Variants in SULF2 observed in about 807,000 individuals in gnomAD.
SULF2 encodes the protein sulfatase 2.
A neutral mutation model predicts 107.7 loss-of-function variants in SULF2; 52 were observed. The observed-to-expected ratio is 0.48, with a 90% CI of 0.39 to 0.61. SULF2 has a LOEUF of 0.61. Among genes scored for constraint, SULF2 ranks in the 20% least tolerant of loss-of-function variants. The pLI, the probability that SULF2 is intolerant of heterozygous loss-of-function variation, is 0.00. For missense variants in SULF2, 993 were observed against 1,177.3 expected, an observed-to-expected ratio of 0.84 and a Z score of 2.29; for synonymous variants, 460 against 464.3, an observed-to-expected ratio of 0.99 and a Z score of 0.12.
At chr20:47,667,832 G>A (rs1205810437) in intron 11 of SULF2, among the ~76,000 whole-genome samples, 1 of 152,222 alleles carries the variant, frequency 6.6e-6, no homozygotes, top group Non-Finnish European at 1.5e-5. Flanking sequence ...GCGGAAGGCA[G>A]TGGAAGGAGG....
intron 1 of SULF2, among the ~76,000 whole-genome samples, chr20:47,776,159 G>A (rs1055035977): frequency 1.1e-4 from 16 of 152,250 alleles, no homozygotes; most frequent in Non-Finnish European, 2.9e-5. Flanking sequence ...CACAATGTCA[G>A]GCTATAGGGG....
At chr20:47,777,259 AG>A in intron 1 of SULF2, among the ~76,000 whole-genome samples, 1 of 152,336 alleles carries the variant, frequency 6.6e-6, no homozygotes. Flanking sequence ...TTTGATTTAG[AG>A]GTGAGTGCAA....
rs1477270815 is a variant in SULF2 at position 47,755,453 on chromosome 20, G to C, written c.175+1736C>G. ...CTTAGCTGGATCATGTTGCAAAAAT[G>C]TGTTGTTCCTAAGAGTGGGTATTCA... On this transcript the variant is annotated intron_variant, in intron 2 of 20. Transcript: ENST00000688720. 2.6e-5 allele frequency among the ~76,000 whole-genome samples: 4 copies of C among 152,198 alleles called. No individual in the cohort carries two copies. The East Asian group carries it at 7.7e-4, about 29-fold the overall frequency.
chr20:47,702,760 A>G (rs2088614252), intron 3 of SULF2, 90 bp from the exon 4 acceptor site: 2 of 1,276,812 alleles, frequency 1.6e-6, no homozygotes, highest in East Asian at 2.4e-5. Context: ...GAGCATGCAC[A>G]CCTGCTCTGC....
chr20:47,773,250 AAATG>A (rs1212431159), intron 1 of SULF2, among the ~76,000 whole-genome samples: 8 of 152,228 alleles, frequency 5.3e-5, no homozygotes, highest in Admixed American at 5.2e-4. Flanking sequence ...GTGGAGGAGA[AAATG>A]AATGAATGAA....
At chr20:47,726,372 A>ATT (rs111536289) in intron 3 of SULF2, among the ~76,000 whole-genome samples, 3,696 of 146,554 alleles carry the variant, frequency 0.025, 100 homozygotes, top group African/African-American at 0.069. Context: ...TGTCCAGCTA[A>ATT]TTTTTTTTTT....
chr20:47,747,268 C>T (rs938104068), intron 2 of SULF2, among the ~76,000 whole-genome samples: 4 of 152,148 alleles, frequency 2.6e-5, no homozygotes, highest in Non-Finnish European at 5.9e-5. Flanking sequence ...AGCCAAGGCT[C>T]CAAATCGGTT....
chr20:47,674,126 C>A (rs1354729077), intron 10 of SULF2, among the ~76,000 whole-genome samples: 1 of 152,236 alleles, frequency 6.6e-6, no homozygotes, highest in African/African-American at 2.4e-5. Context: ...AAAGCAAGAA[C>A]AAAAACAAAT....
At chr20:47,712,001 C>T (rs13044660) in intron 3 of SULF2, among the ~76,000 whole-genome samples, 172 of 152,268 alleles carry the variant, frequency 1.1e-3, no homozygotes, top group Non-Finnish European at 1.9e-3. Flanking sequence ...TACATATACA[C>T]GATGCAGGAA....
intron 1 of SULF2, among the ~76,000 whole-genome samples, chr20:47,770,423 G>T (rs2090608289): frequency 6.6e-6 from 1 of 152,078 alleles, no homozygotes; most frequent in Non-Finnish European, 1.5e-5. Context: ...AGGGCATGAG[G>T]GTAGGCACAG....
intron 1 of SULF2, among the ~76,000 whole-genome samples, chr20:47,763,378 C>A (rs567184160): frequency 6.6e-6 from 1 of 152,292 alleles, no homozygotes; most frequent in African/African-American, 2.4e-5. Context: ...CAAACCACAG[C>A]GGTGAACAAA....
rs758059214 is a variant in SULF2, at chr20:47,683,008, C to T, written c.1050G>A (p.Val350=). 1 of 1,609,022 alleles carries T rather than the reference C, an allele frequency of 6.2e-7. No individual in the cohort carries two copies. Among genetic ancestry groups the T allele is most frequent in the South Asian group, 1.1e-5 (1 of 90,650 alleles). ...RVPFYVRGPN[V]EAGCLNPHIV... The stretch of plus-strand genomic sequence containing the variant: ...GACACACTTACAGACAGCCGGCTTC[C>T]ACGTTGGGGCCCCTCACGTAGAACG... The change falls in exon 7 of 21, where the codon GTG becomes GTA. Residue 350 remains valine, a synonymous_variant. Coordinates refer to ENST00000688720, the MANE Select transcript of SULF2 (RefSeq NM_001387048.1).
chr20:47,677,427 T>TGC (rs2087684555), intron 8 of SULF2, among the ~76,000 whole-genome samples: 2 of 142,156 alleles, frequency 1.4e-5, no homozygotes, highest in African/African-American at 5.4e-5. Flanking sequence ...TGTGTGTGTG[T>TGC]GTGCGCGCAC....
At chr20:47,784,824 G>T (rs2090893963) in intron 1 of SULF2, among the ~76,000 whole-genome samples, 1 of 152,236 alleles carries the variant, frequency 6.6e-6, no homozygotes, top group Admixed American at 6.5e-5. Flanking sequence ...GCCCTGGCCT[G>T]GGAGGAAGTC....
At chr20:47,770,462 C>G (rs1193117649) in intron 1 of SULF2, among the ~76,000 whole-genome samples, 1 of 152,010 alleles carries the variant, frequency 6.6e-6, no homozygotes, top group Non-Finnish European at 1.5e-5. Flanking sequence ...TAGGTGGGAG[C>G]AAAGAAGGGG....
chr20:47,714,479 TC>T (rs1322974565), intron 3 of SULF2, among the ~76,000 whole-genome samples: 2 of 152,114 alleles, frequency 1.3e-5, no homozygotes, highest in African/African-American at 4.8e-5. Context: ...CTTCCCATCA[TC>T]CGCCTGTCAC....
At position 47,692,769 on chromosome 20, in the gene SULF2, T is replaced by A. The variant is rs1602659704; in HGVS notation, c.568-2474A>T. Among the ~76,000 whole-genome samples the A allele has an allele frequency of 2.0e-5, 3 of 152,144 alleles. No homozygotes were observed. The South Asian group carries it at 6.2e-4, about 31-fold the overall frequency. On this transcript the variant is annotated intron_variant, in intron 4 of 20. Coordinates refer to ENST00000688720, the MANE Select transcript of SULF2 (RefSeq NM_001387048.1). ...GTATTAAGGCATGAGCCAACACACC[T>A]GGTGGCATTGCTTCCATACTATGCA...
In SULF2 at chr20:47,657,724, G is replaced by A. The variant is rs1333205035; in HGVS notation, c.*638C>T. 2 of 152,290 alleles carry A rather than the reference G, an allele frequency of 1.3e-5. No homozygotes were observed. The highest frequency in any genetic ancestry group is 2.9e-5 in the Non-Finnish European group (2 of 68,126). The allele number at this position is 152,290 out of a possible 1,614,324, so 9.4% of individuals were successfully genotyped here. On this transcript the variant is annotated 3_prime_UTR_variant, in exon 21 of 21. Coordinates refer to ENST00000688720, the MANE Select transcript of SULF2 (RefSeq NM_001387048.1). ...TGACACCACCACTCCTGAAAATTGG[G>A]ATTTCTTATTAGGTTCCCCTAAAAG...
At position 47,736,859 on chromosome 20, in the gene SULF2, T is replaced by C. The variant is rs1385435332; in HGVS notation, c.259A>G (p.Met87Val). The change falls in exon 3 of 21, where the codon ATG (methionine) becomes GTG (valine). Residue 87 changes from methionine (M) to valine (V), a missense_variant. Coordinates refer to ENST00000688720, the MANE Select transcript of SULF2 (RefSeq NM_001387048.1). ...HFINAFVTTP[M>V]CCPSRSSILT... ...ATGGAGGAGCGTGAGGGGCAGCACA[T>C]GGGTGTGGTCACGAAGGCGTTGATG... is the stretch of plus-strand genomic sequence containing the variant. 11 of 1,614,194 alleles carry C rather than the reference T, an allele frequency of 6.8e-6. No individual in the cohort carries two copies. The East Asian group carries it at 2.2e-4, about 33-fold the overall frequency.
Sources: gnomAD v4.1 joint callset for allele counts (sites outside exome capture counted in the v4.1 genomes callset) on GRCh38, gnomAD v4.1.1 for gene constraint, MANE v1.5 for transcripts, NCBI Gene and HGNC (gene_info 2026-07-23, HGNC 2026-07-21) for gene names.